Variants in LRRC4C observed in about 807,000 individuals in gnomAD.
LRRC4C encodes the protein leucine-rich repeat-containing protein 4C.
Under a neutral mutation model 33.6 loss-of-function variants are expected in LRRC4C, and 5 were observed. The observed-to-expected ratio is 0.15, with a 90% CI of 0.08 to 0.31. The LOEUF is 0.31. LRRC4C is among the 10% of genes least tolerant of loss of function. The pLI is 1.00. For missense variants in LRRC4C, 560 were observed against 796.7 expected (o/e 0.70, Z 3.58); for synonymous variants, 329 against 302.0 (o/e 1.09, Z -0.93).
chr11:40,761,906 G>A (rs4611193), intron 2 of LRRC4C, among the ~76,000 whole-genome samples: 1 of 151,874 alleles, frequency 6.6e-6, no homozygotes, highest in East Asian at 2.0e-4. Context: ...AGGAGAAGGC[G>A]CTCAGAGACA....
chr11:40,433,638 T>C (rs1183360890), intron 3 of LRRC4C, among the ~76,000 whole-genome samples: 5 of 152,214 alleles, frequency 3.3e-5, no homozygotes, highest in African/African-American at 1.2e-4. Context: ...GCAGATATAC[T>C]GCAGGAGAGA....
intron 2 of LRRC4C, among the ~76,000 whole-genome samples, chr11:40,881,479 A>AT (rs1955172324): frequency 6.6e-6 from 1 of 152,100 alleles, no homozygotes; most frequent in African/African-American, 2.4e-5. Context: ...AGATTGTCAC[A>AT]TGGTCTTCCC....
At chr11:40,523,622 C>A (rs1053875225) in intron 3 of LRRC4C, among the ~76,000 whole-genome samples, 26 of 130,698 alleles carry the variant, frequency 2.0e-4, no homozygotes, top group African/African-American at 6.6e-4. Flanking sequence ...ATAGAGTATT[C>A]TATTATATAG....
intron 3 of LRRC4C, among the ~76,000 whole-genome samples, chr11:40,567,048 A>T (rs1957794419): frequency 6.6e-6 from 1 of 152,142 alleles, no homozygotes; most frequent in Non-Finnish European, 1.5e-5. Flanking sequence ...GCTTTGTATT[A>T]CTTTTGACTA....
intron 2 of LRRC4C, among the ~76,000 whole-genome samples, chr11:40,709,991 GC>G (rs1188180194): frequency 6.6e-6 from 1 of 152,092 alleles, no homozygotes; most frequent in Non-Finnish European, 1.5e-5. Flanking sequence ...GGCTAGTGAA[GC>G]TTGTGCATGC....
intron 2 of LRRC4C, among the ~76,000 whole-genome samples, chr11:40,835,522 G>A (rs943335302): frequency 2.6e-5 from 4 of 152,170 alleles, no homozygotes; most frequent in Admixed American, 6.5e-5. Context: ...ACACATGACC[G>A]TTACACAGAT....
intron 1 of LRRC4C, among the ~76,000 whole-genome samples, chr11:41,124,077 CA>C (rs1417460289): frequency 6.6e-6 from 1 of 152,152 alleles, no homozygotes. Context: ...TTGGTGAATA[CA>C]ATTTTATCTT....
At chr11:40,170,540 A>G (rs928417000) in intron 5 of LRRC4C, among the ~76,000 whole-genome samples, 4 of 152,214 alleles carry the variant, frequency 2.6e-5, no homozygotes, top group African/African-American at 9.6e-5. Flanking sequence ...CCAGAGAGGG[A>G]AGAAAAAGAT....
chr11:40,743,872 G>A (rs1422188332), intron 2 of LRRC4C, among the ~76,000 whole-genome samples: 1 of 151,904 alleles, frequency 6.6e-6, no homozygotes, highest in Non-Finnish European at 1.5e-5. Flanking sequence ...TGATAGACGT[G>A]CTCTTGTTTT....
chr11:40,340,766 T>C (rs1273607408), intron 3 of LRRC4C, among the ~76,000 whole-genome samples: 1 of 152,180 alleles, frequency 6.6e-6, no homozygotes, highest in Non-Finnish European at 1.5e-5. Context: ...TGAGGTTAAA[T>C]ATCAGGTCTG....
At chr11:40,968,785 A>G (rs1417143553) in intron 1 of LRRC4C, among the ~76,000 whole-genome samples, 2 of 152,138 alleles carry the variant, frequency 1.3e-5, no homozygotes, top group Non-Finnish European at 2.9e-5. Flanking sequence ...CCTTCAAAAT[A>G]TTACTTTTCA....
At chr11:40,147,976 T>A (rs901360541) in intron 5 of LRRC4C, among the ~76,000 whole-genome samples, 1 of 152,136 alleles carries the variant, frequency 6.6e-6, no homozygotes, top group Admixed American at 6.6e-5. Flanking sequence ...CTCCCACTTA[T>A]AAGTAAGAAC....
intron 1 of LRRC4C, among the ~76,000 whole-genome samples, chr11:41,258,365 A>G (rs1425474177): frequency 6.6e-6 from 1 of 151,996 alleles, no homozygotes; most frequent in Non-Finnish European, 1.5e-5. Flanking sequence ...AGAACTTGGC[A>G]ATCTATTTCA....
At chr11:41,335,658 C>G (rs1404154877) in intron 1 of LRRC4C, among the ~76,000 whole-genome samples, 1 of 152,164 alleles carries the variant, frequency 6.6e-6, no homozygotes, top group African/African-American at 2.4e-5. Flanking sequence ...ATGTCCAGCA[C>G]CTGCACCAAT....
At chr11:40,516,412 G>T (rs1955561421) in intron 3 of LRRC4C, among the ~76,000 whole-genome samples, 1 of 152,022 alleles carries the variant, frequency 6.6e-6, no homozygotes, top group African/African-American at 2.4e-5. Context: ...GTATGAACAA[G>T]ATTGCTAAAC....
chr11:40,577,510 G>A (rs184506730), intron 3 of LRRC4C, among the ~76,000 whole-genome samples: 17 of 152,246 alleles, frequency 1.1e-4, no homozygotes, highest in Non-Finnish European at 2.1e-4. Context: ...TTTCTATATC[G>A]GTAGTTCTTA....
intron 6 of LRRC4C, among the ~76,000 whole-genome samples, chr11:40,127,297 T>G (rs575820081): frequency 6.7e-5 from 10 of 149,006 alleles, no homozygotes; most frequent in Non-Finnish European, 1.5e-4. Context: ...AAAAAAAATA[T>G]AGAGATTTGG....
At chr11:40,561,821 A>G (rs1957562227) in intron 3 of LRRC4C, among the ~76,000 whole-genome samples, 1 of 152,166 alleles carries the variant, frequency 6.6e-6, no homozygotes. Context: ...TATTGATTGA[A>G]ACTAAATAGT....
At chr11:40,592,974 G>T (rs541749475) in intron 3 of LRRC4C, among the ~76,000 whole-genome samples, 4 of 152,276 alleles carry the variant, frequency 2.6e-5, no homozygotes, top group African/African-American at 9.6e-5. Flanking sequence ...AACTAATACA[G>T]CAGAAACTCT....
Sources: gnomAD v4.1 joint callset for allele counts (sites outside exome capture counted in the v4.1 genomes callset) on GRCh38, gnomAD v4.1.1 for gene constraint, MANE v1.5 for transcripts, NCBI Gene and HGNC (gene_info 2026-07-23, HGNC 2026-07-21) for gene names.